SHTN1: variants seen among roughly 807,000 people sequenced by gnomAD.
SHTN1 encodes shootin 1, also known as shootin-1.
A neutral mutation model predicts 83.1 loss-of-function variants in SHTN1; 42 were observed. The observed-to-expected ratio is 0.51, with a 90% CI of 0.39 to 0.65. The LOEUF (loss-of-function observed/expected upper bound fraction) is 0.65, where lower values mean the gene tolerates loss of function less well. Among genes scored for constraint, SHTN1 ranks in the 30% least tolerant of loss-of-function variants. The probability of loss-of-function intolerance (pLI) is 0.00; values close to 1 mark genes in which losing one functional copy is unlikely to be tolerated. For synonymous variants in SHTN1, 224 were observed against 247.7 expected (o/e 0.90, Z 0.90); for missense variants, 622 against 737.8 (o/e 0.84, Z 1.82).
intron 3 of SHTN1, among the ~76,000 whole-genome samples, chr10:116,963,790 T>C (rs925882296): frequency 2.0e-5 from 3 of 152,170 alleles, no homozygotes; most frequent in Non-Finnish European, 4.4e-5. Flanking sequence ...TGCATCACTT[T>C]GAAATTTTTC....
intron 1 of SHTN1, among the ~76,000 whole-genome samples, chr10:117,071,172 TTAAAG>T (rs1853076379): frequency 6.6e-6 from 1 of 152,198 alleles, no homozygotes; most frequent in African/African-American, 2.4e-5. Flanking sequence ...AATTGTCTTT[TTAAAG>T]TAATTTTCTG....
chr10:117,106,248 A>G (rs932481718), intron 1 of SHTN1, among the ~76,000 whole-genome samples: 1 of 152,180 alleles, frequency 6.6e-6, no homozygotes, highest in Non-Finnish European at 1.5e-5. Flanking sequence ...GGAGGTCAAG[A>G]GATCAAGACC....
At chr10:117,043,520 A>G (rs1158843186) in intron 2 of SHTN1, among the ~76,000 whole-genome samples, 1 of 152,192 alleles carries the variant, frequency 6.6e-6, no homozygotes, top group East Asian at 1.9e-4. Flanking sequence ...CATTATCACA[A>G]TTCTTTTCTT....
intron 2 of SHTN1, among the ~76,000 whole-genome samples, chr10:117,046,835 G>C (rs1443650335): frequency 6.6e-6 from 1 of 152,110 alleles, no homozygotes; most frequent in Non-Finnish European, 1.5e-5. Flanking sequence ...TAGTTGCCAG[G>C]AGCTGGGGAA....
intron 16 of SHTN1, among the ~76,000 whole-genome samples, chr10:116,888,506 G>A (rs1025742083): frequency 2.6e-5 from 4 of 152,166 alleles, no homozygotes; most frequent in Non-Finnish European, 5.9e-5. Context: ...GAGGGAAGGC[G>A]GCTGTAAAGT....
chr10:117,069,544 A>G (rs1178995661), intron 1 of SHTN1, among the ~76,000 whole-genome samples: 1 of 152,292 alleles, frequency 6.6e-6, no homozygotes, highest in East Asian at 1.9e-4. Context: ...TGTAGGTCAC[A>G]TTTATAACCC....
chr10:116,887,292 T>G (rs1589772970), intron 16 of SHTN1, among the ~76,000 whole-genome samples: 1 of 152,324 alleles, frequency 6.6e-6, no homozygotes, highest in East Asian at 1.9e-4. Flanking sequence ...CTATGGCTTC[T>G]CAGGCTGAAT....
chr10:117,099,006 G>GTA (rs1853548042), intron 1 of SHTN1, among the ~76,000 whole-genome samples: 2 of 43,298 alleles, frequency 4.6e-5, no homozygotes, highest in Non-Finnish European at 6.5e-5. Flanking sequence ...AATGTGGTAT[G>GTA]TATACACACA....
chr10:116,979,568 A>C (rs1850941259), intron 1 of SHTN1, among the ~76,000 whole-genome samples: 1 of 152,254 alleles, frequency 6.6e-6, no homozygotes, highest in East Asian at 1.9e-4. Context: ...TACAGGCACG[A>C]GTCACCAAAC....
At chr10:116,961,318 G>A (rs985190230) in intron 3 of SHTN1, among the ~76,000 whole-genome samples, 2 of 151,986 alleles carry the variant, frequency 1.3e-5, no homozygotes, top group African/African-American at 4.8e-5. Context: ...TCTGTCCAAA[G>A]TTCTTATTAT....
At chr10:117,074,096 C>T (rs892370484) in intron 1 of SHTN1, among the ~76,000 whole-genome samples, 4 of 152,106 alleles carry the variant, frequency 2.6e-5, no homozygotes, top group African/African-American at 9.7e-5. Flanking sequence ...ATCATTTTTC[C>T]CCTTTAGCTA....
chr10:117,029,067 G>T (rs981752249), intron 2 of SHTN1, among the ~76,000 whole-genome samples: 3 of 152,146 alleles, frequency 2.0e-5, no homozygotes, highest in East Asian at 1.9e-4. Context: ...AAAGCCACAG[G>T]GGCAGAGCTG....
intron 2 of SHTN1, among the ~76,000 whole-genome samples, chr10:117,042,619 G>A (rs1271289653): frequency 2.0e-5 from 3 of 146,616 alleles, no homozygotes; most frequent in Non-Finnish European, 3.0e-5. Context: ...TAGCACCTAT[G>A]CAACACTTCC....
chr10:116,949,127 A>G (rs1849687919), intron 6 of SHTN1, 130 bp from the exon 7 acceptor site: 1 of 1,014,666 alleles, frequency 9.9e-7, no homozygotes, highest in Non-Finnish European at 1.3e-6. Context: ...ATTGGTTTCA[A>G]TGTGTTAGGA....
chr10:116,960,309 T>C, intron 3 of SHTN1, 79 bp from the exon 4 acceptor site: 1 of 781,340 alleles, frequency 1.3e-6, no homozygotes, highest in Non-Finnish European at 2.2e-6. Flanking sequence ...CGTCCCATGA[T>C]TAAGAATACT....
chr10:116,924,987 A>C (rs1848693575), intron 11 of SHTN1, among the ~76,000 whole-genome samples: 1 of 151,668 alleles, frequency 6.6e-6, no homozygotes, highest in Admixed American at 6.6e-5. Flanking sequence ...CAATCTCCTG[A>C]CCTTGTGATC....
chr10:117,067,954 A>G (rs1339697373), intron 1 of SHTN1, among the ~76,000 whole-genome samples: 1 of 152,172 alleles, frequency 6.6e-6, no homozygotes, highest in Non-Finnish European at 1.5e-5. Flanking sequence ...TAGCTTGGAG[A>G]GCCATAGGAA....
At chr10:116,920,025 G>A (rs980537151) in intron 12 of SHTN1, among the ~76,000 whole-genome samples, 3 of 152,178 alleles carry the variant, frequency 2.0e-5, no homozygotes, top group Non-Finnish European at 4.4e-5. Flanking sequence ...CTGCTCAGGG[G>A]GAGAGAGGTG....
chr10:116,934,885 A>C (rs1391774824), intron 9 of SHTN1, among the ~76,000 whole-genome samples: 1 of 152,156 alleles, frequency 6.6e-6, no homozygotes, highest in Non-Finnish European at 1.5e-5. Context: ...GGTCCTTCAC[A>C]TCCCTTGTAA....
Sources: gnomAD v4.1 joint callset for allele counts (sites outside exome capture counted in the v4.1 genomes callset) on GRCh38, gnomAD v4.1.1 for gene constraint, MANE v1.5 for transcripts, NCBI Gene and HGNC (gene_info 2026-07-23, HGNC 2026-07-21) for gene names.